SLC9A9: variants seen among roughly 807,000 people sequenced by gnomAD.
SLC9A9 encodes sodium/hydrogen exchanger 9.
SLC9A9 carries 62 observed loss-of-function variants against 77.8 expected under a neutral mutation model. The observed-to-expected ratio is 0.80, with a 90% CI of 0.65 to 0.98. The LOEUF is 0.98. SLC9A9 is among the 50% of genes least tolerant of loss of function. The pLI, the probability that SLC9A9 is intolerant of heterozygous loss-of-function variation, is 0.00. For missense variants in SLC9A9, 775 were observed against 774.9 expected (o/e 1.00, Z 0.00); for synonymous variants, 320 against 283.5 (o/e 1.13, Z -1.29).
chr3:143,778,078 A>G (rs957822448), intron 4 of SLC9A9, among the ~76,000 whole-genome samples: 1 of 146,634 alleles, frequency 6.8e-6, no homozygotes. Context: ...GCACTTTTTC[A>G]TTACAGGATA....
intron 4 of SLC9A9, among the ~76,000 whole-genome samples, chr3:143,743,264 T>TAGAG: frequency 6.8e-6 from 1 of 148,022 alleles, no homozygotes; most frequent in African/African-American, 2.5e-5. Context: ...GATAGATAGA[T>TAGAG]AGATAGATAG....
intron 7 of SLC9A9, among the ~76,000 whole-genome samples, chr3:143,576,991 A>AT (rs1406063886): frequency 6.6e-6 from 1 of 151,840 alleles, no homozygotes; most frequent in Non-Finnish European, 1.5e-5. Flanking sequence ...AGTCTTAGAG[A>AT]TTTTTCCTTT....
intron 6 of SLC9A9, 71 bp from the exon 7 acceptor site, chr3:143,578,794 C>T: frequency 6.3e-7 from 1 of 1,576,506 alleles, no homozygotes; most frequent in Non-Finnish European, 8.7e-7. Flanking sequence ...TTCGCACCCA[C>T]TTTGGGGAGA....
At chr3:143,716,050 G>A (rs1934338311) in intron 4 of SLC9A9, among the ~76,000 whole-genome samples, 1 of 152,186 alleles carries the variant, frequency 6.6e-6, no homozygotes, top group African/African-American at 2.4e-5. Context: ...ATTTTCAAAA[G>A]AGAAATGGTG....
At chr3:143,361,045 C>T (rs2032740092) in intron 14 of SLC9A9, among the ~76,000 whole-genome samples, 1 of 152,198 alleles carries the variant, frequency 6.6e-6, no homozygotes, top group African/African-American at 2.4e-5. Context: ...TTAGCTCTTG[C>T]CTGAATTTCC....
chr3:143,843,165 C>A (rs532744292), intron 1 of SLC9A9, among the ~76,000 whole-genome samples: 2 of 152,166 alleles, frequency 1.3e-5, no homozygotes, highest in Non-Finnish European at 2.9e-5. Flanking sequence ...CTTCAGCCAG[C>A]GGGAAGGGGG....
At chr3:143,460,694 T>C (rs2035175920) in intron 12 of SLC9A9, among the ~76,000 whole-genome samples, 1 of 152,148 alleles carries the variant, frequency 6.6e-6, no homozygotes, top group Non-Finnish European at 1.5e-5. Flanking sequence ...TCTCTGGACC[T>C]GAGACAATTT....
At chr3:143,362,461 T>C (rs2032779167) in intron 14 of SLC9A9, among the ~76,000 whole-genome samples, 1 of 152,196 alleles carries the variant, frequency 6.6e-6, no homozygotes, top group South Asian at 2.1e-4. Flanking sequence ...TTGCTTTCTA[T>C]TTTCCAGTCA....
At chr3:143,716,831 A>C (rs1295227999) in intron 4 of SLC9A9, among the ~76,000 whole-genome samples, 1 of 152,208 alleles carries the variant, frequency 6.6e-6, no homozygotes, top group African/African-American at 2.4e-5. Flanking sequence ...AGAATATAGG[A>C]TGGTACCAAT....
intron 4 of SLC9A9, among the ~76,000 whole-genome samples, chr3:143,765,789 T>C (rs1349190282): frequency 6.6e-6 from 1 of 152,210 alleles, no homozygotes; most frequent in Non-Finnish European, 1.5e-5. Flanking sequence ...TTTTGCCATG[T>C]ACCTTTGCAG....
At chr3:143,808,126 A>T (rs1354085448) in intron 2 of SLC9A9, among the ~76,000 whole-genome samples, 1 of 152,198 alleles carries the variant, frequency 6.6e-6, no homozygotes, top group African/African-American at 2.4e-5. Context: ...TTTTTTGCTT[A>T]GGTAGTAAGA....
chr3:143,289,539 C>T (rs1938478415), intron 14 of SLC9A9, among the ~76,000 whole-genome samples: 1 of 152,212 alleles, frequency 6.6e-6, no homozygotes, highest in Admixed American at 6.5e-5. Context: ...TTGAACATGT[C>T]ATCATCCACT....
At chr3:143,385,317 A>G (rs1355379406) in intron 12 of SLC9A9, among the ~76,000 whole-genome samples, 1 of 152,136 alleles carries the variant, frequency 6.6e-6, no homozygotes, top group East Asian at 1.9e-4. Context: ...TCTAATTTAA[A>G]TATTATAGAA....
intron 6 of SLC9A9, among the ~76,000 whole-genome samples, chr3:143,600,853 G>A (rs2037835079): frequency 6.6e-6 from 1 of 152,156 alleles, no homozygotes; most frequent in Admixed American, 6.5e-5. Flanking sequence ...TGTGCCCAAG[G>A]CTAAGTGAGA....
chr3:143,424,127 C>G (rs1362320625), intron 12 of SLC9A9, among the ~76,000 whole-genome samples: 1 of 152,048 alleles, frequency 6.6e-6, no homozygotes, highest in Non-Finnish European at 1.5e-5. Flanking sequence ...CATGTGAAAC[C>G]TGAATGATTC....
chr3:143,561,599 G>A (rs1172887161), intron 8 of SLC9A9, among the ~76,000 whole-genome samples: 2 of 152,158 alleles, frequency 1.3e-5, no homozygotes, highest in African/African-American at 2.4e-5. Context: ...TCTCGCCATG[G>A]CTACAGGCAT....
At chr3:143,433,206 A>C (rs1169634006) in intron 12 of SLC9A9, among the ~76,000 whole-genome samples, 1 of 152,228 alleles carries the variant, frequency 6.6e-6, no homozygotes, top group Non-Finnish European at 1.5e-5. Context: ...TTCATGTAAC[A>C]AAGTTTTCTT....
chr3:143,468,089 T>C (rs2035316354), intron 11 of SLC9A9, among the ~76,000 whole-genome samples: 1 of 152,208 alleles, frequency 6.6e-6, no homozygotes, highest in African/African-American at 2.4e-5. Flanking sequence ...GGTATCTGAG[T>C]TGTTTTCAGT....
intron 6 of SLC9A9, among the ~76,000 whole-genome samples, chr3:143,620,926 G>A (rs552129569): frequency 2.9e-4 from 44 of 152,274 alleles, no homozygotes; most frequent in South Asian, 1.2e-3. Context: ...CTAATACTGC[G>A]CTTTTCCAAT....
Sources: allele counts gnomAD v4.1 joint callset (sites outside exome capture counted in the v4.1 genomes callset), GRCh38; gene constraint gnomAD v4.1.1; transcripts MANE v1.5; gene names NCBI Gene and HGNC (gene_info 2026-07-23, HGNC 2026-07-21).